The following CCM2L variants were observed in gnomAD, a reference collection of about 807,000 sequenced individuals.
CCM2L encodes the protein CCM2 like scaffold protein.
In CCM2L, 36 loss-of-function variants were observed where a neutral mutation model predicts 54.1. The ratio of observed to expected loss-of-function variants is 0.67; its 90% CI spans 0.51 to 0.88. The LOEUF is 0.88. Ranked by LOEUF, CCM2L falls within the 40% of genes least tolerant of loss-of-function variation. The pLI is 0.00. For missense variants in CCM2L, 700 were observed against 812.1 expected, an observed-to-expected ratio of 0.86 and a Z score of 1.68; for synonymous variants, 351 against 359.3, an observed-to-expected ratio of 0.98 and a Z score of 0.26.
intron 2 of CCM2L, among the ~76,000 whole-genome samples, chr20:32,016,450 G>A (rs2064741838): frequency 6.6e-6 from 1 of 151,678 alleles, no homozygotes; most frequent in Non-Finnish European, 1.5e-5. Context: ...TTCAAGACCA[G>A]CCTGGCCATC....
At chr20:32,028,897 C>A in intron 7 of CCM2L, 98 bp from the exon 8 acceptor site, 1 of 1,503,230 alleles carries the variant, frequency 6.7e-7, no homozygotes, top group South Asian at 1.2e-5. Flanking sequence ...GCCTTGGAGG[C>A]CAGCATGCAG....
At chr20:32,012,794 A>G (rs191627757) in intron 1 of CCM2L, among the ~76,000 whole-genome samples, 1 of 152,186 alleles carries the variant, frequency 6.6e-6, no homozygotes, top group Non-Finnish European at 1.5e-5. Flanking sequence ...ACAGGTGTAA[A>G]TGTTTACTGA....
intron 6 of CCM2L, among the ~76,000 whole-genome samples, chr20:32,024,464 G>A (rs2064835356): frequency 6.6e-6 from 1 of 152,220 alleles, no homozygotes; most frequent in Admixed American, 6.5e-5. Context: ...AAAACCAGAG[G>A]TGGCCTGTCT....
Position 32,015,678 on chromosome 20 carries a change from G to C in CCM2L, c.198+607G>C, listed in dbSNP as rs539166532. Among the ~76,000 whole-genome samples, 9 of 152,220 alleles carry C rather than the reference G, an allele frequency of 5.9e-5. No homozygotes were observed. The East Asian group carries it at 1.5e-3, about 26-fold the overall frequency. Reference sequence around the variant, plus strand: ...TCTTTTTGATAGTTCTTGTTATCAGGCGTTCATGCATGAGAATCCTCCCTC... The same window carrying C: ...TCTTTTTGATAGTTCTTGTTATCAGCCGTTCATGCATGAGAATCCTCCCTC... On this transcript the variant is annotated intron_variant, in intron 2 of 9. Coordinates refer to ENST00000452892, the MANE Select transcript of CCM2L (RefSeq NM_001365692.1).
intron 2 of CCM2L, among the ~76,000 whole-genome samples, chr20:32,016,894 T>C (rs750494061): frequency 6.6e-6 from 1 of 152,200 alleles, no homozygotes; most frequent in Admixed American, 6.5e-5. Context: ...ACACCTGTAA[T>C]CCCAGCACTT....
chr20:32,025,896 C>G lies in CCM2L; in HGVS notation c.1110C>G (p.Ala370=). Residue 370 remains alanine (A), a synonymous_variant, in exon 7 of 10, where the codon GCC becomes GCG. Coordinates refer to ENST00000452892, the MANE Select transcript of CCM2L (RefSeq NM_001365692.1). ...CAGATGGGACGTATGCCTATGATGC[C>G]GACTTCAGCTGCTGCAGCTCCTTGT... ...CHTDGTYAYD[A]DFSCCSSFNG... is the part of the protein sequence containing the mutation. 1 of 1,304,178 alleles carries G rather than the reference C, an allele frequency of 7.7e-7. No homozygotes were observed. Among genetic ancestry groups the G allele is most frequent in the Non-Finnish European group, 1.0e-6 (1 of 988,938 alleles). 80.8% of individuals were successfully genotyped at this position (1,304,178 alleles called of 1,614,324 possible).
At chr20:32,025,212 TTTTCC>T (rs764770759) in intron 6 of CCM2L, among the ~76,000 whole-genome samples, 14 of 151,554 alleles carry the variant, frequency 9.2e-5, no homozygotes, top group Non-Finnish European at 1.9e-4. Context: ...TTTCTTTCTT[TTTTCC>T]TTTCCTTTCC....
chr20:32,020,148 C>T (rs995913867), intron 5 of CCM2L, among the ~76,000 whole-genome samples: 1 of 152,200 alleles, frequency 6.6e-6, no homozygotes, highest in Admixed American at 6.5e-5. Flanking sequence ...AGCTCACAGG[C>T]GAGCAGACAC....
At chr20:32,024,074 A>T (rs2064831929) in intron 6 of CCM2L, among the ~76,000 whole-genome samples, 1 of 152,194 alleles carries the variant, frequency 6.6e-6, no homozygotes, top group Non-Finnish European at 1.5e-5. Context: ...GGCTCAGATT[A>T]GTCAATAAAT....
Position 32,019,325 on chromosome 20 carries a change from C to T in CCM2L, c.849C>T (p.Arg283=). 3 of 1,376,632 alleles carry T rather than the reference C, an allele frequency of 2.2e-6. No individual in the cohort carries two copies. The highest frequency in any genetic ancestry group is 2.8e-6 in the Non-Finnish European group (3 of 1,062,998). 85.3% of individuals were successfully genotyped at this position (1,376,632 alleles called of 1,614,324 possible). ...GCGGGGGAGGCAGCTGGGAGCGGCG[C>T]CACCCCGGCCCCAACCCGCTCGACC... is the stretch of plus-strand genomic sequence containing the variant. ...GSGGGGSWER[R]HPGPNPLDPQ... The change falls in exon 5 of 10, where the codon CGC becomes CGT. Residue 283 remains arginine, a synonymous_variant. Transcript: ENST00000452892.
chr20:32,025,823 G>T, intron 6 of CCM2L, 33 bp from the exon 7 acceptor site: 1 of 1,299,006 alleles, frequency 7.7e-7, no homozygotes. Context: ...CTGCTTTGCT[G>T]CCTCTGACAG....
chr20:32,026,920 C>T (rs981079958), intron 7 of CCM2L, among the ~76,000 whole-genome samples: 6 of 151,896 alleles, frequency 4.0e-5, no homozygotes, highest in African/African-American at 9.7e-5. Context: ...TGGTGGCTCA[C>T]GCCTGTAATC....
In CCM2L at chr20:32,019,012, C is replaced by T; in HGVS notation, c.536C>T (p.Pro179Leu). ...SPGGAGRDPG[P>L]PGGAPEKRRV... Reference sequence around the variant, plus strand: ...GGCGGCGCAGGACGCGACCCCGGCCCGCCAGGCGGGGCGCCCGAGAAGCGG... The same window carrying T: ...GGCGGCGCAGGACGCGACCCCGGCCTGCCAGGCGGGGCGCCCGAGAAGCGG... Residue 179 changes from proline to leucine, a missense_variant, in exon 5 of 10, where the codon CCG becomes CTG. Transcript: ENST00000452892. 2.2e-6 allele frequency: 3 copies of T among 1,337,358 alleles called. No homozygotes were observed. Among genetic ancestry groups the T allele is most frequent in the South Asian group, 2.0e-5 (1 of 51,062 alleles). 82.8% of individuals were successfully genotyped at this position (1,337,358 alleles called of 1,614,324 possible).
At chr20:32,023,026 G>A (rs1287824314) in intron 6 of CCM2L, among the ~76,000 whole-genome samples, 1 of 152,092 alleles carries the variant, frequency 6.6e-6, no homozygotes, top group African/African-American at 2.4e-5. Flanking sequence ...GGAGTACAGT[G>A]ATGCCATCTC....
Position 32,019,150 on chromosome 20 carries a change from AGCGCCAGC to A in CCM2L, c.680_687del (p.Gln227ArgfsTer37). 2 of 1,122,544 alleles carry A rather than the reference AGCGCCAGC, an allele frequency of 1.8e-6. No individual in the cohort carries two copies. The highest frequency in any genetic ancestry group is 2.2e-6 in the Non-Finnish European group (2 of 914,032). 69.5% of individuals were successfully genotyped at this position (1,122,544 alleles called of 1,614,324 possible). On this transcript the variant is annotated frameshift_variant, in exon 5 of 10. Transcript: ENST00000452892. LOFTEE classifies it high-confidence loss of function. ...GGGGGAGGCGGCGGCGGCAGCTTGG[AGCGCCAGC>A]GCGCCGGGGCGCGGGCGTCGGGCAG...
At position 32,031,427 on chromosome 20, in the gene CCM2L, TCACTC is replaced by T; in HGVS notation, c.*116_*120del. On this transcript the variant is annotated 3_prime_UTR_variant, in exon 10 of 10. Transcript: ENST00000452892. Reference sequence around the variant, plus strand: ...CACACCTGGCGGGGCCGGGGGGTCTTCACTCCAGGGTCTCGCTCCCTGCCCTTGGG... The same window carrying T: ...CACACCTGGCGGGGCCGGGGGGTCTTCAGGGTCTCGCTCCCTGCCCTTGGG... 1 of 889,852 alleles carries T rather than the reference TCACTC, an allele frequency of 1.1e-6. No individual in the cohort carries two copies. Among genetic ancestry groups the T allele is most frequent in the Non-Finnish European group, 1.5e-6 (1 of 668,848 alleles). The allele number at this position is 889,852 out of a possible 1,614,324, so 55.1% of individuals were successfully genotyped here.
At chr20:32,019,475 T>TCCCCCCCCCCCCCCC (rs2122338991) in intron 5 of CCM2L, 66 bp downstream of exon 5, 1 of 1,058,402 alleles carries the variant, frequency 9.4e-7, no homozygotes, top group Non-Finnish European at 1.2e-6. Flanking sequence ...GCCCCCACCT[T>TCCCCCCCCCCCCCCC]GCCCCCGCCC....
In CCM2L at chr20:32,018,067, A is replaced by G; in HGVS notation, c.371A>G (p.Asp124Gly). 2 of 1,613,558 alleles carry G rather than the reference A, an allele frequency of 1.2e-6. No homozygotes were observed. Among genetic ancestry groups the G allele is most frequent in the South Asian group, 1.1e-5 (1 of 91,008 alleles). ...SARCLLLTWR[D>G]NEELILRIPT... ...CGCTGCCTGCTGCTCACCTGGCGCG[A>G]CAATGAAGAGCTCATTCTGCGAATC... The change falls in exon 4 of 10, where the codon GAC (aspartate) becomes GGC (glycine). Residue 124 changes from aspartate to glycine, a missense_variant. By Grantham distance (94) the Asp-to-Gly change is moderately conservative (BLOSUM62 -1). Coordinates refer to ENST00000452892, the MANE Select transcript of CCM2L (RefSeq NM_001365692.1).
rs145854275 is a variant in CCM2L, at chr20:32,025,731, G to T, written c.1070-125G>T. On this transcript the variant is annotated intron_variant, in intron 6 of 9. Transcript: ENST00000452892. ...AGGGGAGGGGAGTTCCCCAGGGTCT[G>T]TTGTGTGTTGGTGTCAGAGGCAGGA... 1,752 of 558,208 alleles carry T rather than the reference G, an allele frequency of 3.1e-3. 17 individuals are homozygous for T. The highest frequency in any genetic ancestry group is 0.03 in the African/African-American group (1,571 of 52,158). 34.6% of individuals were successfully genotyped at this position (558,208 alleles called of 1,614,324 possible). A position where few individuals can be genotyped will look rare whatever the true frequency, so the allele number is the denominator to read the frequency against.
Sources: gnomAD v4.1 joint callset for allele counts (sites outside exome capture counted in the v4.1 genomes callset) on GRCh38, gnomAD v4.1.1 for gene constraint, MANE v1.5 for transcripts, NCBI Gene and HGNC (gene_info 2026-07-23, HGNC 2026-07-21) for gene names.